Variants in RASSF4 observed in about 807,000 individuals in gnomAD.
RASSF4 encodes the protein Ras association domain family member 4.
Under a neutral mutation model 41.1 loss-of-function variants are expected in RASSF4, and 38 were observed. The observed-to-expected ratio is 0.92, with a 90% CI of 0.71 to 1.21. The LOEUF (loss-of-function observed/expected upper bound fraction) is 1.21. RASSF4 is among the 50% of genes most tolerant of loss of function. The pLI is 0.00. For synonymous variants in RASSF4, 179 were observed against 163.4 expected, an observed-to-expected ratio of 1.10 and a Z score of -0.73; for missense variants, 414 against 419.4, an observed-to-expected ratio of 0.99 and a Z score of 0.11.
chr10:44,986,851 T>A (rs1227428925), intron 6 of RASSF4, among the ~76,000 whole-genome samples: 2 of 152,268 alleles, frequency 1.3e-5, no homozygotes, highest in Non-Finnish European at 2.9e-5. Flanking sequence ...ACTGTTCTGA[T>A]TCCCAGAAAT....
At position 44,969,018 on chromosome 10, in the gene RASSF4, A is replaced by C. The variant is rs922135029; in HGVS notation, c.-38-1147A>C. Among the ~76,000 whole-genome samples the C allele has an allele frequency of 5.3e-5, 8 of 150,200 alleles. No individual in the cohort carries two copies. In the East Asian group the frequency reaches 1.6e-3, roughly 29 times the overall value. On this transcript the variant is annotated intron_variant, in intron 1 of 10. Coordinates refer to ENST00000340258, the MANE Select transcript of RASSF4 (RefSeq NM_032023.4). ...TTTGTGTATGTGTGTGTGTGTGTGC[A>C]TGTGAGCATGTGTGTATGTGTTAAG...
chr10:44,973,733 C>T (rs559176202), intron 3 of RASSF4, among the ~76,000 whole-genome samples: 2 of 152,318 alleles, frequency 1.3e-5, no homozygotes, highest in East Asian at 3.9e-4. Context: ...GAACAGTTGT[C>T]GGGGGCAGGG....
rs1842242944 is a variant in RASSF4 at position 44,995,000 on chromosome 10, C to T, written c.*1671C>T. On this transcript the variant is annotated 3_prime_UTR_variant, in exon 11 of 11. Transcript: ENST00000340258. ...ATAGAGTCACCCCGAGTCACAGAAT[C>T]TTAGCATCAGGAGGGCCCCAAGAAT... is the stretch of plus-strand genomic sequence containing the variant. The T allele has an allele frequency of 6.6e-6, 1 of 152,276 alleles. No homozygotes were observed. Among genetic ancestry groups the T allele is most frequent in the Non-Finnish European group, 1.5e-5 (1 of 68,120 alleles). The allele number at this position is 152,276 out of a possible 1,614,324, so 9.4% of individuals were successfully genotyped here.
Position 44,984,256 on chromosome 10 carries a change from G to A in RASSF4, c.373+143G>A, listed in dbSNP as rs1248179446. 9 of 772,702 alleles carry A rather than the reference G, an allele frequency of 1.2e-5. No individual in the cohort carries two copies. In the East Asian group the frequency reaches 2.4e-4, roughly 21 times the overall value. 47.9% of individuals were successfully genotyped at this position (772,702 alleles called of 1,614,324 possible). A position where few individuals can be genotyped will look rare whatever the true frequency, so the allele number is the denominator to read the frequency against. On this transcript the variant is annotated intron_variant, in intron 5 of 10. Coordinates refer to ENST00000340258, the MANE Select transcript of RASSF4 (RefSeq NM_032023.4). ...TCACCTGCTGGACCCCTACCCAGGTGCCTGCCTGTGAGGTGCTCTGCCCTC... is the reference window on the plus strand; with the variant it reads ...TCACCTGCTGGACCCCTACCCAGGTACCTGCCTGTGAGGTGCTCTGCCCTC...
At chr10:44,983,992 C>T in intron 4 of RASSF4, 30 bp from the exon 5 acceptor site, 1 of 1,568,022 alleles carries the variant, frequency 6.4e-7, no homozygotes, top group Non-Finnish European at 8.6e-7. Context: ...TGCCGGCAGC[C>T]ATCTCAGCCC....
intron 6 of RASSF4, among the ~76,000 whole-genome samples, chr10:44,987,377 G>A (rs190583399): frequency 2.6e-5 from 4 of 152,298 alleles, no homozygotes; most frequent in Non-Finnish European, 4.4e-5. Flanking sequence ...GATTACAGGC[G>A]TAAGCCACTG....
chr10:44,993,238 A>G, intron 10 of RASSF4, 31 bp from the exon 11 acceptor site: 2 of 1,605,884 alleles, frequency 1.2e-6, no homozygotes, highest in Non-Finnish European at 1.7e-6. Flanking sequence ...GTCTGGCCTC[A>G]GTGAGTCCTC....
At chr10:44,991,186 A>G in intron 9 of RASSF4, 117 bp downstream of exon 9, 1 of 985,792 alleles carries the variant, frequency 1.0e-6, no homozygotes, top group Non-Finnish European at 1.4e-6. Context: ...GGAGCTCCAC[A>G]CTCTCCCAAA....
At chr10:44,966,258 T>C (rs751636966) in intron 1 of RASSF4, among the ~76,000 whole-genome samples, 1 of 152,140 alleles carries the variant, frequency 6.6e-6, no homozygotes, top group African/African-American at 2.4e-5. Context: ...GCCTGACTTA[T>C]GGGAAATTCC....
chr10:44,982,750 C>A, intron 4 of RASSF4, 87 bp downstream of exon 4: 1 of 1,418,386 alleles, frequency 7.1e-7, no homozygotes, highest in Admixed American at 2.2e-5. Context: ...GAGCCCTGTT[C>A]CCTTATGGGA....
intron 9 of RASSF4, 90 bp downstream of exon 9, chr10:44,991,159 G>T: frequency 8.0e-7 from 1 of 1,244,940 alleles, no homozygotes; most frequent in Non-Finnish European, 1.1e-6. Context: ...CCAGAGCCCT[G>T]TCAGTTGATG....
In RASSF4 at chr10:44,970,216, G is replaced by A. The variant is rs1841092217; in HGVS notation, c.14G>A (p.Cys5Tyr). ...GAGGAAGAGAAGATGAAGGAAGACT[G>A]TCTGCCGAGTTCTCACGTGCCCATC... MKEDCLPSSHVPISD... is the reference protein window; with the variant it reads MKEDYLPSSHVPISD... Residue 5 changes from cysteine to tyrosine, a missense_variant, in exon 2 of 11, where the codon TGT (cysteine) becomes TAT (tyrosine). By Grantham distance (194) the Cys-to-Tyr change is radical. Transcript: ENST00000340258. 2 of 1,614,018 alleles carry A rather than the reference G, an allele frequency of 1.2e-6. No homozygotes were observed. Among genetic ancestry groups the A allele is most frequent in the East Asian group, 2.2e-5 (1 of 44,892 alleles).
At position 44,994,856 on chromosome 10, in the gene RASSF4, G is replaced by C. The variant is rs766696601; in HGVS notation, c.*1527G>C. The C allele has an allele frequency of 6.6e-6, 1 of 151,924 alleles. No homozygotes were observed. The highest frequency in any genetic ancestry group is 1.9e-4 in the East Asian group (1 of 5,168). 9.4% of individuals were successfully genotyped at this position (151,924 alleles called of 1,614,324 possible). A position where few individuals can be genotyped will look rare whatever the true frequency, so the allele number is the denominator to read the frequency against. On this transcript the variant is annotated 3_prime_UTR_variant, in exon 11 of 11. Transcript: ENST00000340258. Reference sequence around the variant, plus strand: ...GCCACAACTCGCTGCTCTAGGAGCCGACATGACTCCTTCATTTCTGTGCAT... The same window carrying C: ...GCCACAACTCGCTGCTCTAGGAGCCCACATGACTCCTTCATTTCTGTGCAT...
chr10:44,984,511 G>A (rs1464075437), intron 5 of RASSF4: 3 of 510,398 alleles, frequency 5.9e-6, no homozygotes, highest in African/African-American at 3.8e-5. Flanking sequence ...TGAAGGGCCT[G>A]TTTCAGAGCA....
chr10:44,972,320 G>C (rs556578893), intron 3 of RASSF4, among the ~76,000 whole-genome samples: 1 of 152,304 alleles, frequency 6.6e-6, no homozygotes, highest in African/African-American at 2.4e-5. Flanking sequence ...GGCTACACAG[G>C]GGCTTATAGG....
chr10:44,963,105 G>T (rs1324783154), intron 1 of RASSF4, among the ~76,000 whole-genome samples: 1 of 152,056 alleles, frequency 6.6e-6, no homozygotes, highest in East Asian at 1.9e-4. Flanking sequence ...GTGGAGGGGA[G>T]CTCTGTGCCC....
intron 1 of RASSF4, among the ~76,000 whole-genome samples, chr10:44,967,336 A>C (rs1163459272): frequency 6.6e-6 from 1 of 152,228 alleles, no homozygotes; most frequent in African/African-American, 2.4e-5. Context: ...TTCGCAGCTC[A>C]GTGGTCAGAA....
rs763994694 is a variant in RASSF4 at position 44,991,998 on chromosome 10, A to G, written c.901A>G (p.Met301Val). The change falls in exon 10 of 11, where the codon ATG (methionine) becomes GTG (valine). Residue 301 changes from methionine to valine, a missense_variant. Transcript: ENST00000340258. The part of the protein sequence containing the change: ...EEEREIIKLT[M>V]KFQALRLTML... ...AGAAAGAGAAATAATCAAACTGACCATGAAGTAAGCAGCACTTAAACAGAC... is the reference window on the plus strand; with the variant it reads ...AGAAAGAGAAATAATCAAACTGACCGTGAAGTAAGCAGCACTTAAACAGAC... 1 of 1,598,276 alleles carries G rather than the reference A, an allele frequency of 6.3e-7. No individual in the cohort carries two copies. The highest frequency in any genetic ancestry group is 1.1e-5 in the South Asian group (1 of 90,752).
chr10:44,980,632 G>C (rs1328322617), intron 3 of RASSF4, among the ~76,000 whole-genome samples: 2 of 152,222 alleles, frequency 1.3e-5, no homozygotes, highest in African/African-American at 4.8e-5. Flanking sequence ...CTTCCAGGGT[G>C]CAGTGCACAA....
Sources: allele counts gnomAD v4.1 joint callset (sites outside exome capture counted in the v4.1 genomes callset), GRCh38; gene constraint gnomAD v4.1.1; transcripts MANE v1.5; gene names NCBI Gene and HGNC (gene_info 2026-07-23, HGNC 2026-07-21).